POLQ: variants seen among roughly 807,000 people sequenced by gnomAD.
POLQ encodes DNA polymerase theta.
In POLQ, 233 loss-of-function variants were observed where a neutral mutation model predicts 259.2. That is an observed-to-expected ratio of 0.90 (90% CI 0.81 to 1.00). POLQ has a LOEUF of 1.00. POLQ is among the 50% of genes least tolerant of loss of function. The pLI, the probability that POLQ is intolerant of heterozygous loss-of-function variation, is 0.00. For missense variants in POLQ, 2,871 were observed against 3,051.6 expected, an observed-to-expected ratio of 0.94 and a Z score of 1.39; for synonymous variants, 1,025 against 1,048.8, an observed-to-expected ratio of 0.98 and a Z score of 0.44.
intron 14 of POLQ, among the ~76,000 whole-genome samples, chr3:121,495,734 A>C (rs2048113934): frequency 6.6e-6 from 1 of 151,366 alleles, no homozygotes; most frequent in Non-Finnish European, 1.5e-5. Context: ...CTGTAGTCCC[A>C]GCTACTCGGG....
chr3:121,545,155 G>T (rs114619601), intron 1 of POLQ, among the ~76,000 whole-genome samples: 1 of 152,184 alleles, frequency 6.6e-6, no homozygotes, highest in Admixed American at 6.5e-5. Context: ...AGTAGATAAA[G>T]AGTGTTGGAA....
rs899531161 is a variant in POLQ, at chr3:121,458,301, G to C, written c.7152+1749C>G. On this transcript the variant is annotated intron_variant, in intron 25 of 29. Coordinates refer to ENST00000264233, the MANE Select transcript of POLQ (RefSeq NM_199420.4). ...CCTAATGCTAAATGACGAGTTAATGGGTGCAGCACACCAGCATGGCACATG... is the reference window on the plus strand; with the variant it reads ...CCTAATGCTAAATGACGAGTTAATGCGTGCAGCACACCAGCATGGCACATG... Among the ~76,000 whole-genome samples the C allele has an allele frequency of 2.6e-5, 4 of 151,856 alleles. No homozygotes were observed. The South Asian group carries it at 8.3e-4, about 32-fold the overall frequency.
chr3:121,497,406 A>G (rs1249978157), intron 13 of POLQ, among the ~76,000 whole-genome samples: 1 of 152,186 alleles, frequency 6.6e-6, no homozygotes, highest in East Asian at 1.9e-4. Flanking sequence ...ATAATATATT[A>G]GAGACTGTTT....
intron 2 of POLQ, among the ~76,000 whole-genome samples, chr3:121,544,309 C>T (rs558266612): frequency 1.3e-5 from 2 of 151,868 alleles, no homozygotes; most frequent in East Asian, 1.9e-4. Context: ...GCCCACATAG[C>T]GCCACTGCAC....
chr3:121,461,208 G>A (rs980743913), intron 24 of POLQ, among the ~76,000 whole-genome samples: 6 of 152,232 alleles, frequency 3.9e-5, no homozygotes, highest in Non-Finnish European at 4.4e-5. Context: ...CTCCCCATTC[G>A]CTGGCAATTT....
rs560947494 is a variant in POLQ, at chr3:121,523,136, C to T, written c.1109-987G>A. Among the ~76,000 whole-genome samples the T allele has an allele frequency of 3.9e-5, 6 of 152,226 alleles. No homozygotes were observed. The East Asian group carries it at 1.2e-3, about 29-fold the overall frequency. On this transcript the variant is annotated intron_variant, in intron 7 of 29. Transcript: ENST00000264233. ...GCTCAAGCAATCCTCCTACCTCAGT[C>T]TCCTGGTTAGTTAGGACCAGACACA...
intron 4 of POLQ, among the ~76,000 whole-genome samples, chr3:121,538,637 A>C (rs1456638233): frequency 1.3e-5 from 2 of 151,836 alleles, no homozygotes; most frequent in Admixed American, 6.6e-5. Flanking sequence ...GCACTGTGCT[A>C]GGTACATTGG....
At chr3:121,534,812 T>G (rs555929393) in intron 5 of POLQ, among the ~76,000 whole-genome samples, 1 of 152,366 alleles carries the variant, frequency 6.6e-6, no homozygotes, top group South Asian at 2.1e-4. Context: ...TGATTACTTT[T>G]TTGATCTAAA....
In POLQ at chr3:121,510,285, A is replaced by G. The variant is rs568752327; in HGVS notation, c.1612-42T>C. On this transcript the variant is annotated intron_variant, in intron 10 of 29. Coordinates refer to ENST00000264233, the MANE Select transcript of POLQ (RefSeq NM_199420.4). ...GGAAATTTCTGTAGCTTTTTAAGAA[A>G]ACATGCAAGCCACCGGGCGCGGTGG... 5.4e-6 allele frequency: 8 copies of G among 1,495,182 alleles called. No homozygotes were observed. In the South Asian group the frequency reaches 6.8e-5, roughly 13 times the overall value. The allele number at this position is 1,495,182 out of a possible 1,614,324, so 92.6% of individuals were successfully genotyped here.
At chr3:121,500,797 A>G (rs1011270256) in intron 12 of POLQ, among the ~76,000 whole-genome samples, 7 of 152,088 alleles carry the variant, frequency 4.6e-5, no homozygotes, top group Non-Finnish European at 8.8e-5. Flanking sequence ...AAACTGAAGA[A>G]AAAAAATCTT....
intron 22 of POLQ, among the ~76,000 whole-genome samples, chr3:121,469,841 AAAT>A (rs1289215293): frequency 3.9e-5 from 6 of 152,352 alleles, no homozygotes; most frequent in African/African-American, 1.2e-4. Flanking sequence ...AAGCATTATA[AAAT>A]ATTATTAAAA....
Position 121,532,991 on chromosome 3 carries a change from T to C in POLQ, c.959A>G (p.Lys320Arg). 6.3e-7 allele frequency: 1 copy of C among 1,584,002 alleles called. No homozygotes were observed. Among genetic ancestry groups the C allele is most frequent in the South Asian group, 1.1e-5 (1 of 89,698 alleles). ...VREFEPMLQV[K>R]GDEDHVVSLC... ...AGTGATGTACATATATTGATTTACC[T>C]TCACTTGTAGCATGGGCTCAAATTC... Residue 320 changes from lysine to arginine, a missense_variant and splice_region_variant, in exon 6 of 30, where the codon AAG becomes AGG. Lys to Arg is a conservative substitution (Grantham distance 26). Transcript: ENST00000264233.
intron 12 of POLQ, among the ~76,000 whole-genome samples, chr3:121,505,973 G>A (rs2048205379): frequency 7.0e-6 from 1 of 143,252 alleles, no homozygotes; most frequent in Admixed American, 7.4e-5. Flanking sequence ...AGTGAGCCGA[G>A]ATTGCACCAT....
chr3:121,454,567 A>T (rs921571794), intron 25 of POLQ, among the ~76,000 whole-genome samples: 1 of 152,108 alleles, frequency 6.6e-6, no homozygotes, highest in Non-Finnish European at 1.5e-5. Context: ...AACAAAAAAA[A>T]GCAGGGGTTG....
chr3:121,434,751 T>C (rs1449889066), intron 28 of POLQ, among the ~76,000 whole-genome samples: 43 of 152,322 alleles, frequency 2.8e-4, no homozygotes, highest in Non-Finnish European at 4.4e-4. Context: ...CTTCTAGAAA[T>C]AGCAAATCTC....
chr3:121,489,702 G>T lies in POLQ; in HGVS notation c.3229C>A (p.Leu1077Ile). The T allele has an allele frequency of 1.2e-6, 2 of 1,613,412 alleles. No individual in the cohort carries two copies. Reference sequence around the variant, plus strand: ...TCTAAGGTAAACGGGTCTTCACAAAGACTAGGATTAGACAGAGTCTGTCCT... The same window carrying T: ...TCTAAGGTAAACGGGTCTTCACAAATACTAGGATTAGACAGAGTCTGTCCT... ...LQGQTLSNPSLCEDPFTLDEK... is the reference protein window; with the variant it reads ...LQGQTLSNPSICEDPFTLDEK... The change falls in exon 16 of 30, where the codon CTT (leucine) becomes ATT (isoleucine). Residue 1077 changes from leucine (L) to isoleucine (I), a missense_variant. Leu to Ile is a conservative substitution (Grantham distance 5). This residue lies in a region of POLQ where 2,080 missense variants were observed against 2,126.0 expected (regional missense o/e 0.98). Transcript: ENST00000264233.
chr3:121,455,530 A>C (rs932820638), intron 25 of POLQ, among the ~76,000 whole-genome samples: 10 of 18,526 alleles, frequency 5.4e-4, no homozygotes, highest in Non-Finnish European at 1.1e-3. Flanking sequence ...AATAGACACA[A>C]AAAAAAAAGG....
intron 12 of POLQ, among the ~76,000 whole-genome samples, chr3:121,504,607 T>C (rs2048195346): frequency 6.6e-6 from 1 of 152,210 alleles, no homozygotes; most frequent in South Asian, 2.1e-4. Context: ...CAGGTCAATA[T>C]ATCTTATGAC....
intron 14 of POLQ, chr3:121,494,034 C>CCT (rs139763995): frequency 3.2e-5 from 19 of 599,752 alleles, no homozygotes; most frequent in Non-Finnish European, 5.0e-5. Flanking sequence ...CTAATTCATT[C>CCT]CTCTCTCTCT....
Sources: allele counts gnomAD v4.1 joint callset (sites outside exome capture counted in the v4.1 genomes callset), GRCh38; gene constraint gnomAD v4.1.1; regional missense constraint gnomAD v4.1.1; transcripts MANE v1.5; gene names NCBI Gene and HGNC (gene_info 2026-07-23, HGNC 2026-07-21).